The following STX5 variants were observed in gnomAD, a reference collection of about 807,000 sequenced individuals.
STX5 encodes syntaxin 5.
STX5 carries 15 observed loss-of-function variants against 42.9 expected under a neutral mutation model. The observed-to-expected ratio is 0.35, with a 90% CI of 0.23 to 0.54. STX5 has a LOEUF of 0.54. Among genes scored for constraint, STX5 ranks in the 20% least tolerant of loss-of-function variants. The pLI is 0.91. For missense variants in STX5, 430 were observed against 455.0 expected (o/e 0.95, Z 0.50); for synonymous variants, 184 against 173.2 (o/e 1.06, Z -0.49).
chr11:62,821,923 G>A (rs1000605816), intron 10 of STX5, among the ~76,000 whole-genome samples: 2 of 152,284 alleles, frequency 1.3e-5, no homozygotes, highest in Middle Eastern at 3.4e-3. Context: ...CTACTCAGGA[G>A]GCTGAGGCAG....
intron 10 of STX5, among the ~76,000 whole-genome samples, chr11:62,814,798 T>C (rs1230525875): frequency 6.6e-6 from 1 of 151,958 alleles, no homozygotes; most frequent in African/African-American, 2.4e-5. Flanking sequence ...TGCTCCATGT[T>C]GGTCAGGCTG....
At chr11:62,809,101 A>G (rs2084586095) in intron 10 of STX5, among the ~76,000 whole-genome samples, 1 of 151,816 alleles carries the variant, frequency 6.6e-6, no homozygotes, top group African/African-American at 2.4e-5. Flanking sequence ...ATTCAGGCTA[A>G]CATGGTGAAA....
chr11:62,819,379 G>A lies in STX5; in HGVS notation c.908+4787C>T, dbSNP rs201983143. Among the ~76,000 whole-genome samples, 8 of 151,446 alleles carry A rather than the reference G, an allele frequency of 5.3e-5. No homozygotes were observed. In the East Asian group the frequency reaches 1.4e-3, roughly 26 times the overall value. On this transcript the variant is annotated intron_variant, in intron 10 of 10. Transcript: ENST00000294179. ...CTACAAAAAAAAAACCAAAGGAAGTGCTTCTTCAGGATAAAGGGAAGAGAT... is the reference window on the plus strand; with the variant it reads ...CTACAAAAAAAAAACCAAAGGAAGTACTTCTTCAGGATAAAGGGAAGAGAT...
intron 10 of STX5, among the ~76,000 whole-genome samples, chr11:62,809,541 G>T (rs1374221961): frequency 6.6e-6 from 1 of 150,882 alleles, no homozygotes; most frequent in East Asian, 2.0e-4. Flanking sequence ...AGGCGTGGTG[G>T]CGGGCGCCTG....
At chr11:62,823,461 A>T (rs1391361773) in intron 10 of STX5, among the ~76,000 whole-genome samples, 1 of 151,856 alleles carries the variant, frequency 6.6e-6, no homozygotes, top group East Asian at 1.9e-4. Context: ...AAGCCACCGT[A>T]CCCATCCATT....
At chr11:62,807,847 A>C in intron 10 of STX5, 1 of 790,176 alleles carries the variant, frequency 1.3e-6, no homozygotes, top group South Asian at 2.2e-5. Flanking sequence ...AGTTAGTCTA[A>C]CTTCAAGCTT....
At position 62,831,115 on chromosome 11, in the gene STX5, G is replaced by C. The variant is rs370048912; in HGVS notation, c.129C>G (p.Pro43=). 6 of 1,554,670 alleles carry C rather than the reference G, an allele frequency of 3.9e-6. No homozygotes were observed. Among genetic ancestry groups the C allele is most frequent in the Admixed American group, 1.9e-5 (1 of 51,386 alleles). ...GAGGGGGAGGGACGAGGGTCACTGG[G>C]GGGGGCAGAGGGGCGATGTCGCTGC... is the stretch of plus-strand genomic sequence containing the variant. ...SSSSDIAPLP[P]PVTLVPPPPD... The change falls in exon 2 of 11, where the codon CCC becomes CCG. Residue 43 remains proline (P), a synonymous_variant. Coordinates refer to ENST00000294179, the MANE Select transcript of STX5 (RefSeq NM_003164.5).
chr11:62,809,856 C>A (rs1644427078), intron 10 of STX5, among the ~76,000 whole-genome samples: 1 of 151,908 alleles, frequency 6.6e-6, no homozygotes, highest in Admixed American at 6.6e-5. Context: ...ATAATCCCAG[C>A]ACTCTGGGAG....
At chr11:62,827,452 A>G in intron 3 of STX5, 54 bp from the exon 4 acceptor site, 2 of 1,613,624 alleles carry the variant, frequency 1.2e-6, no homozygotes, top group Non-Finnish European at 1.7e-6. Context: ...CTTTTCCCAC[A>G]TAAGCTCCAG....
intron 10 of STX5, 164 bp downstream of exon 10, chr11:62,824,002 A>G: frequency 9.1e-7 from 1 of 1,102,498 alleles, no homozygotes; most frequent in Non-Finnish European, 1.3e-6. Context: ...ACAGGTGCTC[A>G]ATAAAAACTT....
At chr11:62,817,593 G>A (rs1301929751) in intron 10 of STX5, among the ~76,000 whole-genome samples, 5 of 152,174 alleles carry the variant, frequency 3.3e-5, no homozygotes, top group Admixed American at 2.0e-4. Context: ...GACCCATACA[G>A]AAGAGAAAAG....
intron 7 of STX5, 29 bp downstream of exon 7, chr11:62,825,254 C>G (rs758933448): frequency 6.2e-7 from 1 of 1,613,884 alleles, no homozygotes; most frequent in South Asian, 1.1e-5. Flanking sequence ...CTCCCATATT[C>G]CTACCCCTCC....
At position 62,831,326 on chromosome 11, in the gene STX5, C is replaced by T. The variant is rs947689715; in HGVS notation, c.-19-64G>A. The T allele has an allele frequency of 1.9e-5, 23 of 1,198,394 alleles. 1 individual carries two copies. The highest frequency in any genetic ancestry group is 1.4e-4 in the Admixed American group (7 of 50,512). The allele number at this position is 1,198,394 out of a possible 1,614,324, so 74.2% of individuals were successfully genotyped here. A position where few individuals can be genotyped will look rare whatever the true frequency, so the allele number is the denominator to read the frequency against. ...CTTTACCCAAACTCCCCCGCCCCAC[C>T]CCAATCAACAAATCCCCGAGCCCCT... is the stretch of plus-strand genomic sequence containing the variant. On this transcript the variant is annotated intron_variant, in intron 1 of 10. Coordinates refer to ENST00000294179, the MANE Select transcript of STX5 (RefSeq NM_003164.5).
chr11:62,815,669 T>C (rs1043578193), intron 10 of STX5, among the ~76,000 whole-genome samples: 1 of 151,898 alleles, frequency 6.6e-6, no homozygotes, highest in Non-Finnish European at 1.5e-5. Flanking sequence ...CCCAAGTAGC[T>C]GGGACCACAG....
chr11:62,807,893 C>T (rs2084570878), intron 10 of STX5: 2 of 496,086 alleles, frequency 4.0e-6, no homozygotes, highest in Non-Finnish European at 7.0e-6. Flanking sequence ...ATAACCCAAA[C>T]CCTACCTTCT....
Position 62,807,773 on chromosome 11 carries a change from G to T in STX5, c.909-145C>A, listed in dbSNP as rs368504366. The T allele has an allele frequency of 4.7e-4, 660 of 1,407,592 alleles. 1 individual carries two copies. The highest frequency in any genetic ancestry group is 5.3e-4 in the Non-Finnish European group (559 of 1,062,232). The allele number at this position is 1,407,592 out of a possible 1,614,324, so 87.2% of individuals were successfully genotyped here. A position where few individuals can be genotyped will look rare whatever the true frequency, so the allele number is the denominator to read the frequency against. On this transcript the variant is annotated intron_variant, in intron 10 of 10. Transcript: ENST00000294179. ...TGTGTATAGAAAAGGCTTTGGAAGG[G>T]TACTATAAACAAGTTATTTCTGGTT...
At chr11:62,818,795 G>T (rs2084704436) in intron 10 of STX5, among the ~76,000 whole-genome samples, 1 of 151,252 alleles carries the variant, frequency 6.6e-6, no homozygotes, top group Middle Eastern at 3.5e-3. Flanking sequence ...AGTGAGCCAT[G>T]ATCGTGCCAC....
chr11:62,816,860 A>G (rs1290625686), intron 10 of STX5, among the ~76,000 whole-genome samples: 2 of 150,472 alleles, frequency 1.3e-5, no homozygotes, highest in African/African-American at 4.9e-5. Context: ...GCGCCACTAC[A>G]CTCCAGCCTG....
chr11:62,824,380 T>C (rs1016534721), intron 9 of STX5, 79 bp downstream of exon 9: 26 of 1,612,786 alleles, frequency 1.6e-5, no homozygotes, highest in East Asian at 4.5e-5. Context: ...ATTCTGCCCA[T>C]GGCACACTCC....
Sources: allele counts gnomAD v4.1 joint callset (sites outside exome capture counted in the v4.1 genomes callset), GRCh38; gene constraint gnomAD v4.1.1; transcripts MANE v1.5; gene names NCBI Gene and HGNC (gene_info 2026-07-23, HGNC 2026-07-21).